NTM: variants seen among roughly 807,000 people sequenced by gnomAD.
NTM encodes IgLON family member 2.
In NTM, 13 loss-of-function variants were observed where a neutral mutation model predicts 42.1. The observed-to-expected ratio is 0.31, with a 90% CI of 0.20 to 0.49. NTM has a LOEUF of 0.49. Ranked by LOEUF, NTM falls within the 20% of genes least tolerant of loss-of-function variation. The pLI is 0.99. For missense variants in NTM, 373 were observed against 452.8 expected (o/e 0.82, Z 1.60); for synonymous variants, 187 against 179.2 (o/e 1.04, Z -0.35).
chr11:131,695,126 G>A (rs896749708), intron 1 of NTM, among the ~76,000 whole-genome samples: 2 of 152,160 alleles, frequency 1.3e-5, no homozygotes, highest in Admixed American at 6.5e-5. Flanking sequence ...AAAATGCTCT[G>A]GGCCACGGAC....
At chr11:131,490,068 G>T (rs562413497) in intron 1 of NTM, among the ~76,000 whole-genome samples, 2 of 152,280 alleles carry the variant, frequency 1.3e-5, no homozygotes, top group South Asian at 4.1e-4. Context: ...GGTTGGGGGA[G>T]GTGCCAGTCT....
chr11:131,574,997 A>G (rs1168078990), intron 1 of NTM, among the ~76,000 whole-genome samples: 1 of 152,180 alleles, frequency 6.6e-6, no homozygotes, highest in Non-Finnish European at 1.5e-5. Flanking sequence ...GAGACTTTAG[A>G]CAGCAAGCAC....
intron 1 of NTM, among the ~76,000 whole-genome samples, chr11:131,426,278 C>T (rs1948128714): frequency 6.6e-6 from 1 of 152,040 alleles, no homozygotes; most frequent in African/African-American, 2.4e-5. Flanking sequence ...CTTTGTGGAC[C>T]CCTTGAGTGA....
intron 6 of NTM, among the ~76,000 whole-genome samples, chr11:132,314,178 CCATCATCATCATCAG>C (rs1313201463): frequency 2.6e-5 from 4 of 151,318 alleles, no homozygotes; most frequent in Middle Eastern, 3.4e-3. Context: ...ATCACCATCA[CCATCATCATCATCAG>C]GCCCACACAT....
chr11:132,044,122 GTGTA>G (rs376925951), intron 2 of NTM, among the ~76,000 whole-genome samples: 75 of 130,756 alleles, frequency 5.7e-4, no homozygotes, highest in African/African-American at 7.4e-4. Context: ...GTGTATGTGT[GTGTA>G]TATATGTGTG....
intron 4 of NTM, among the ~76,000 whole-genome samples, chr11:132,283,971 T>C (rs943538888): frequency 1.4e-4 from 22 of 152,274 alleles, no homozygotes; most frequent in African/African-American, 5.3e-4. Flanking sequence ...TCTCCTCCTC[T>C]TGGGCTTCTC....
intron 1 of NTM, among the ~76,000 whole-genome samples, chr11:131,493,054 C>CA (rs202137299): frequency 1.5e-4 from 23 of 150,916 alleles, no homozygotes; most frequent in Non-Finnish European, 2.2e-4. Context: ...TCGTCACTAC[C>CA]AAAAAAAAGA....
intron 1 of NTM, among the ~76,000 whole-genome samples, chr11:131,724,707 C>G (rs114904710): frequency 1.3e-5 from 2 of 152,132 alleles, no homozygotes; most frequent in South Asian, 2.1e-4. Flanking sequence ...AAGAAAGGAA[C>G]GACAAGGCCC....
chr11:131,729,475 TA>T (rs780530113), intron 1 of NTM, among the ~76,000 whole-genome samples: 7 of 152,210 alleles, frequency 4.6e-5, no homozygotes, highest in Non-Finnish European at 1.0e-4. Flanking sequence ...TTAAAGTGCA[TA>T]ATATGATGTT....
At chr11:131,571,925 C>G (rs184215460) in intron 1 of NTM, among the ~76,000 whole-genome samples, 1 of 152,168 alleles carries the variant, frequency 6.6e-6, no homozygotes. Flanking sequence ...TTCCAAGATA[C>G]CAGCTTTCTG....
At chr11:132,267,069 T>A (rs2093226265) in intron 4 of NTM, among the ~76,000 whole-genome samples, 1 of 152,182 alleles carries the variant, frequency 6.6e-6, no homozygotes, top group South Asian at 2.1e-4. Flanking sequence ...CATTTTCATG[T>A]GCTAGCACCT....
chr11:131,843,181 CACA>C (rs1337434268), intron 1 of NTM, among the ~76,000 whole-genome samples: 3 of 152,062 alleles, frequency 2.0e-5, no homozygotes, highest in Non-Finnish European at 4.4e-5. Flanking sequence ...ACTAGAGAAA[CACA>C]ACATTAATCT....
intron 2 of NTM, among the ~76,000 whole-genome samples, chr11:131,954,699 C>T (rs938738071): frequency 6.6e-6 from 1 of 152,082 alleles, no homozygotes; most frequent in African/African-American, 2.4e-5. Context: ...AAAAGCAAAA[C>T]AGAACAATTA....
intron 1 of NTM, among the ~76,000 whole-genome samples, chr11:131,722,274 A>G (rs556262471): frequency 9.9e-5 from 15 of 152,264 alleles, no homozygotes; most frequent in Middle Eastern, 3.4e-3. Context: ...CTACACTTAG[A>G]TAGGGGACTA....
intron 4 of NTM, among the ~76,000 whole-genome samples, chr11:132,271,650 T>A (rs953675595): frequency 6.6e-5 from 10 of 152,114 alleles, no homozygotes; most frequent in Non-Finnish European, 1.3e-4. Context: ...GGGCTAATGA[T>A]AGGAACTGTT....
chr11:131,442,108 CACAA>C (rs1949670724), intron 1 of NTM, among the ~76,000 whole-genome samples: 4 of 152,280 alleles, frequency 2.6e-5, no homozygotes, highest in South Asian at 2.1e-4. Flanking sequence ...TTTCCTCATT[CACAA>C]ACAGTTTATT....
At chr11:132,114,100 A>G (rs2063570965) in intron 2 of NTM, among the ~76,000 whole-genome samples, 1 of 152,204 alleles carries the variant, frequency 6.6e-6, no homozygotes, top group African/African-American at 2.4e-5. Context: ...CGTCTTTTGA[A>G]GATTTATTTC....
At chr11:131,629,500 C>T in intron 1 of NTM, among the ~76,000 whole-genome samples, 1 of 152,276 alleles carries the variant, frequency 6.6e-6, no homozygotes, top group Middle Eastern at 3.4e-3. Context: ...AATGTACAGA[C>T]ACAAATATCC....
intron 3 of NTM, among the ~76,000 whole-genome samples, chr11:132,153,151 A>C (rs2072364920): frequency 6.6e-6 from 1 of 152,174 alleles, no homozygotes; most frequent in South Asian, 2.1e-4. Flanking sequence ...TTCCACAGGG[A>C]GTCTTGGCTG....
Sources: gnomAD v4.1 joint callset for allele counts (sites outside exome capture counted in the v4.1 genomes callset) on GRCh38, gnomAD v4.1.1 for gene constraint, MANE v1.5 for transcripts, NCBI Gene and HGNC (gene_info 2026-07-23, HGNC 2026-07-21) for gene names.